Variants in SHB observed in about 807,000 individuals in gnomAD.
SHB encodes the protein SH2 domain-containing adapter protein B.
SHB carries 20 observed loss-of-function variants against 52.3 expected under a neutral mutation model. The observed-to-expected ratio is 0.38, with a 90% CI of 0.27 to 0.56. SHB has a LOEUF of 0.56. Among genes scored for constraint, SHB ranks in the 20% least tolerant of loss-of-function variants. The pLI is 0.71. For missense variants in SHB, 825 were observed against 723.3 expected, an observed-to-expected ratio of 1.14 and a Z score of -1.61; for synonymous variants, 397 against 316.5, an observed-to-expected ratio of 1.25 and a Z score of -2.70.
intron 3 of SHB, among the ~76,000 whole-genome samples, chr9:37,971,081 A>G (rs1820585768): frequency 6.6e-6 from 1 of 152,136 alleles, no homozygotes; most frequent in Admixed American, 6.5e-5. Context: ...AGAGCTCCCA[A>G]AAGCCAAGAA....
intron 4 of SHB, among the ~76,000 whole-genome samples, chr9:37,954,947 C>T (rs866513018): frequency 2.6e-5 from 4 of 151,864 alleles, no homozygotes; most frequent in African/African-American, 7.3e-5. Flanking sequence ...GCAGCAAGAA[C>T]GGAAAGGGAT....
chr9:38,067,063 G>C (rs896369669), intron 1 of SHB, among the ~76,000 whole-genome samples: 2 of 152,170 alleles, frequency 1.3e-5, no homozygotes, highest in African/African-American at 4.8e-5. Context: ...GGGGAGGAGG[G>C]GACCTAGTCT....
rs1429129722 is a variant in SHB at position 37,916,063 on chromosome 9, A to AG, written c.*3757dup. On this transcript the variant is annotated 3_prime_UTR_variant, in exon 6 of 6. Coordinates refer to ENST00000377707, the MANE Select transcript of SHB (RefSeq NM_003028.3). ...CCCAAGGAGGGAGGTGGAAAGGCCA[A>AG]GGGGCACCTGTGTTCCAGGACCAAG... Among the ~76,000 whole-genome samples the AG allele has an allele frequency of 1.3e-5, 2 of 150,758 alleles. No individual in the cohort carries two copies. Among genetic ancestry groups the AG allele is most frequent in the Non-Finnish European group, 2.9e-5 (2 of 68,024 alleles).
In SHB at chr9:37,916,478, G is replaced by GC. The variant is rs1832100443; in HGVS notation, c.*3342dup. On this transcript the variant is annotated 3_prime_UTR_variant, in exon 6 of 6. Coordinates refer to ENST00000377707, the MANE Select transcript of SHB (RefSeq NM_003028.3). ...TCGTGTTCAGCATCTTACAAAGGGG[G>GC]CCGCTGGTTCTGGGAATGGGCAGAG... is the stretch of plus-strand genomic sequence containing the variant. Among the ~76,000 whole-genome samples the GC allele has an allele frequency of 1.3e-5, 2 of 152,218 alleles. No individual in the cohort carries two copies. Among genetic ancestry groups the GC allele is most frequent in the South Asian group, 4.1e-4 (2 of 4,834 alleles).
intron 1 of SHB, among the ~76,000 whole-genome samples, chr9:38,051,787 G>C (rs964129322): frequency 4.6e-5 from 7 of 152,216 alleles, no homozygotes; most frequent in Non-Finnish European, 7.3e-5. Flanking sequence ...CTGCCGGTCA[G>C]AGTGGCCCTC....
intron 3 of SHB, among the ~76,000 whole-genome samples, chr9:37,968,943 G>A (rs1469632274): frequency 2.6e-5 from 4 of 152,086 alleles, no homozygotes; most frequent in Admixed American, 6.5e-5. Context: ...GCTGAGTGGT[G>A]GTAGGAGAAG....
intron 2 of SHB, among the ~76,000 whole-genome samples, chr9:38,014,647 A>G (rs1821187097): frequency 6.6e-6 from 1 of 152,212 alleles, no homozygotes; most frequent in African/African-American, 2.4e-5. Flanking sequence ...GATGCTCCAG[A>G]AGTCTGGACC....
At chr9:38,002,863 C>T (rs1191035382) in intron 2 of SHB, among the ~76,000 whole-genome samples, 1 of 152,160 alleles carries the variant, frequency 6.6e-6, no homozygotes, top group Non-Finnish European at 1.5e-5. Context: ...GTTTTAAGAT[C>T]CACCCTGTCT....
intron 4 of SHB, among the ~76,000 whole-genome samples, chr9:37,951,372 C>G (rs1832564795): frequency 6.6e-6 from 1 of 152,208 alleles, no homozygotes; most frequent in African/African-American, 2.4e-5. Flanking sequence ...ACAAGTAAAA[C>G]ATTTCCTGAG....
chr9:37,925,401 A>G (rs758627984), intron 5 of SHB, among the ~76,000 whole-genome samples: 1 of 152,238 alleles, frequency 6.6e-6, no homozygotes, highest in Non-Finnish European at 1.5e-5. Flanking sequence ...GGTCATCCCT[A>G]TGAGGTGAGT....
intron 2 of SHB, among the ~76,000 whole-genome samples, chr9:37,991,149 C>T (rs1820875378): frequency 6.6e-6 from 1 of 152,170 alleles, no homozygotes; most frequent in African/African-American, 2.4e-5. Context: ...TCTGTGACAG[C>T]ACTTGTTGAG....
intron 1 of SHB, among the ~76,000 whole-genome samples, chr9:38,025,817 C>T (rs1030393909): frequency 6.6e-6 from 1 of 152,196 alleles, no homozygotes; most frequent in African/African-American, 2.4e-5. Flanking sequence ...GAAATCCAGA[C>T]TATCCCCCTC....
At chr9:37,973,281 T>C (rs963970101) in intron 3 of SHB, among the ~76,000 whole-genome samples, 1 of 152,208 alleles carries the variant, frequency 6.6e-6, no homozygotes, top group African/African-American at 2.4e-5. Context: ...TGGAGTGCAA[T>C]GGTGCGATCT....
chr9:38,000,634 A>G (rs192068033), intron 2 of SHB, among the ~76,000 whole-genome samples: 10 of 152,342 alleles, frequency 6.6e-5, no homozygotes, highest in African/African-American at 2.4e-4. Flanking sequence ...TAACCTGTAC[A>G]GTCCATTGGG....
chr9:37,954,783 G>T (rs1311393729), intron 4 of SHB, among the ~76,000 whole-genome samples: 1 of 152,220 alleles, frequency 6.6e-6, no homozygotes, highest in Non-Finnish European at 1.5e-5. Flanking sequence ...AGGCTAGGGA[G>T]GTGGGACTTT....
chr9:37,996,231 C>T (rs921572160), intron 2 of SHB, among the ~76,000 whole-genome samples: 2 of 152,328 alleles, frequency 1.3e-5, no homozygotes, highest in South Asian at 2.1e-4. Context: ...CTGCATGAAG[C>T]GACTCCACTT....
At chr9:37,971,099 C>G (rs1820585910) in intron 3 of SHB, among the ~76,000 whole-genome samples, 1 of 152,172 alleles carries the variant, frequency 6.6e-6, no homozygotes, top group Non-Finnish European at 1.5e-5. Flanking sequence ...GAAAAAACTG[C>G]ACAGGGCATT....
chr9:38,043,112 C>T (rs1200716631), intron 1 of SHB, among the ~76,000 whole-genome samples: 2 of 152,214 alleles, frequency 1.3e-5, no homozygotes, highest in African/African-American at 2.4e-5. Flanking sequence ...CAAGCCCAGA[C>T]CAAAACCACC....
chr9:37,920,113 G>C (rs1341022688), intron 5 of SHB, 109 bp from the exon 6 acceptor site: 2 of 856,900 alleles, frequency 2.3e-6, no homozygotes, highest in East Asian at 5.0e-5. Context: ...TGAAGTGGCT[G>C]TGAGCTGCAC....
Sources: allele counts gnomAD v4.1 joint callset (sites outside exome capture counted in the v4.1 genomes callset), GRCh38; gene constraint gnomAD v4.1.1; transcripts MANE v1.5; gene names NCBI Gene and HGNC (gene_info 2026-07-23, HGNC 2026-07-21).